Variants in CFAP206 observed in about 807,000 individuals in gnomAD.
CFAP206 encodes cilia and flagella associated protein 206, also known as cilia- and flagella-associated protein 206.
In CFAP206, 53 loss-of-function variants were observed where a neutral mutation model predicts 65.4. The ratio of observed to expected loss-of-function variants is 0.81; its 90% CI spans 0.65 to 1.02. The LOEUF is 1.02. Among genes scored for constraint, CFAP206 ranks in the 50% least tolerant of loss-of-function variants. The pLI, the probability that CFAP206 is intolerant of heterozygous loss-of-function variation, is 0.00. For synonymous variants in CFAP206, 250 were observed against 254.4 expected (o/e 0.98, Z 0.17); for missense variants, 663 against 753.2 (o/e 0.88, Z 1.40).
At chr6:87,463,987 A>C (rs1256374918) in intron 12 of CFAP206, 33 bp from the exon 13 acceptor site, 1 of 1,533,404 alleles carries the variant, frequency 6.5e-7, no homozygotes, top group Non-Finnish European at 9.0e-7. Context: ...TTCTTTAGAG[A>C]AATGTTAATT....
At chr6:87,442,083 G>A (rs549244862) in intron 11 of CFAP206, 10 of 185,530 alleles carry the variant, frequency 5.4e-5, no homozygotes, top group South Asian at 4.8e-4. Flanking sequence ...GGTTTGCATC[G>A]GGTTGCTGCC....
intron 3 of CFAP206, among the ~76,000 whole-genome samples, chr6:87,411,752 C>T (rs982995481): frequency 6.6e-6 from 1 of 152,126 alleles, no homozygotes; most frequent in Non-Finnish European, 1.5e-5. Flanking sequence ...TTTCCCAGCA[C>T]CATTTATTGA....
At chr6:87,463,924 A>G (rs900246780) in intron 12 of CFAP206, 96 bp from the exon 13 acceptor site, 1 of 873,114 alleles carries the variant, frequency 1.1e-6, no homozygotes, top group African/African-American at 1.7e-5. Context: ...TGTGGATTGA[A>G]GACAAAAATA....
chr6:87,429,170 T>A (rs891461213), intron 9 of CFAP206, among the ~76,000 whole-genome samples: 24 of 150,058 alleles, frequency 1.6e-4, no homozygotes, highest in African/African-American at 5.9e-4. Flanking sequence ...GAGGTTGCAG[T>A]GAGCCAAGAT....
At position 87,428,589 on chromosome 6, in the gene CFAP206, A is replaced by G. The variant is rs541397229; in HGVS notation, c.961-37A>G. On this transcript the variant is annotated intron_variant, in intron 8 of 12. Coordinates refer to ENST00000369562, the MANE Select transcript of CFAP206 (RefSeq NM_001031743.3). Reference sequence around the variant, plus strand: ...GTACAGTGATTTATAATTTTATTACACAGTTGCATTTTGAATATTTTTTTT... The same window carrying G: ...GTACAGTGATTTATAATTTTATTACGCAGTTGCATTTTGAATATTTTTTTT... The G allele has an allele frequency of 7.8e-6, 12 of 1,532,660 alleles. No homozygotes were observed. In the South Asian group the frequency reaches 1.2e-4, roughly 16 times the overall value. 94.9% of individuals were successfully genotyped at this position (1,532,660 alleles called of 1,614,324 possible).
Position 87,410,590 on chromosome 6 carries a change from A to G in CFAP206, c.114A>G (p.Lys38=), listed in dbSNP as rs1366878965. The G allele has an allele frequency of 2.5e-6, 4 of 1,613,204 alleles. No individual in the cohort carries two copies. Among genetic ancestry groups the G allele is most frequent in the East Asian group, 2.2e-5 (1 of 44,862 alleles). ...VSETLIAFMV[K]AVVLDPSNGF... ...TCGTTCCTACTTTTTTCTAGGTGAA[A>G]GCTGTTGTCCTGGATCCAAGTAATG... The change falls in exon 3 of 13, where the codon AAA becomes AAG. Residue 38 remains lysine (K), a synonymous_variant. Coordinates refer to ENST00000369562, the MANE Select transcript of CFAP206 (RefSeq NM_001031743.3).
intron 11 of CFAP206, chr6:87,435,485 GATTA>G (rs1324172199): frequency 6.5e-6 from 1 of 153,514 alleles, no homozygotes; most frequent in Admixed American, 6.4e-5. Flanking sequence ...TGTGCCTATT[GATTA>G]ATTCATTCAT....
chr6:87,459,647 G>A (rs979453277), intron 11 of CFAP206, among the ~76,000 whole-genome samples: 1 of 152,132 alleles, frequency 6.6e-6, no homozygotes, highest in Non-Finnish European at 1.5e-5. Flanking sequence ...TTTTCCACAT[G>A]GGGAAAGGGA....
intron 3 of CFAP206, 63 bp downstream of exon 3, chr6:87,410,731 T>TAA: frequency 8.2e-7 from 1 of 1,214,982 alleles, no homozygotes; most frequent in Non-Finnish European, 1.2e-6. Context: ...ACAATATTTG[T>TAA]ATTAGTCATT....
At chr6:87,436,000 C>T (rs1279535448) in intron 11 of CFAP206, 2 of 151,666 alleles carry the variant, frequency 1.3e-5, no homozygotes, top group African/African-American at 4.8e-5. Flanking sequence ...TTCTTTCTCT[C>T]CTGTCTCTTG....
chr6:87,460,165 T>A (rs1415750031), intron 11 of CFAP206, among the ~76,000 whole-genome samples: 1 of 152,218 alleles, frequency 6.6e-6, no homozygotes, highest in Non-Finnish European at 1.5e-5. Context: ...CTAAGTACCT[T>A]AAACCTCTAC....
chr6:87,430,436 A>G (rs1274549513), intron 9 of CFAP206, among the ~76,000 whole-genome samples: 1 of 152,242 alleles, frequency 6.6e-6, no homozygotes, highest in Non-Finnish European at 1.5e-5. Flanking sequence ...TTTTAAAAAT[A>G]TAAAGAACAA....
chr6:87,428,247 CA>C (rs1489325762), intron 8 of CFAP206, among the ~76,000 whole-genome samples: 2 of 151,558 alleles, frequency 1.3e-5, no homozygotes, highest in African/African-American at 4.8e-5. Context: ...CTTGGCCTCC[CA>C]AAATGCTGGG....
chr6:87,431,115 TCA>T lies in CFAP206; in HGVS notation c.1243_1244del (p.Gln415IlefsTer29). ...TTANFDKLLIQYRGFCAYTFA... is the reference protein window; with the variant it reads ...TTANFDKLLIXYRGFCAYTFA... ...CAGCAAATTTTGATAAACTGTTAAT[TCA>T]ATATCGGGGATTTTGTGCTTACACG... On this transcript the variant is annotated frameshift_variant, in exon 10 of 13. Transcript: ENST00000369562. LOFTEE classifies it high-confidence loss of function. The T allele has an allele frequency of 6.2e-7, 1 of 1,614,092 alleles. No individual in the cohort carries two copies. Among genetic ancestry groups the T allele is most frequent in the Non-Finnish European group, 8.5e-7 (1 of 1,179,974 alleles).
chr6:87,425,839 T>G (rs773717179), intron 7 of CFAP206: 35 of 154,868 alleles, frequency 2.3e-4, no homozygotes, highest in Non-Finnish European at 4.5e-4. Context: ...CCAGTTCATT[T>G]CAGTTCTGCA....
chr6:87,452,599 A>G (rs1768564908), intron 11 of CFAP206, among the ~76,000 whole-genome samples: 1 of 152,168 alleles, frequency 6.6e-6, no homozygotes, highest in Non-Finnish European at 1.5e-5. Flanking sequence ...TAATGCAGAG[A>G]AGGAAATGAG....
At position 87,416,798 on chromosome 6, in the gene CFAP206, G is replaced by C. The variant is rs746062073; in HGVS notation, c.602G>C (p.Cys201Ser). The C allele has an allele frequency of 6.2e-7, 1 of 1,613,696 alleles. No individual in the cohort carries two copies. The highest frequency in any genetic ancestry group is 2.2e-5 in the East Asian group (1 of 44,848). Residue 201 changes from cysteine to serine, a missense_variant, in exon 6 of 13, where the codon TGT (cysteine) becomes TCT (serine). Physicochemically the swap from Cys to Ser is moderately radical, Grantham distance 112. Coordinates refer to ENST00000369562, the MANE Select transcript of CFAP206 (RefSeq NM_001031743.3). ...GGAATTCGTTTATTTAACAGAGACT[G>C]TGGAAAAGGAGGAGAAGGCATTGAT... ...VTGIRLFNRDCGKGGEGIDDL... is the reference protein window; with the variant it reads ...VTGIRLFNRDSGKGGEGIDDL...
intron 3 of CFAP206, among the ~76,000 whole-genome samples, chr6:87,411,389 G>T (rs1223879327): frequency 6.6e-6 from 1 of 152,044 alleles, no homozygotes; most frequent in African/African-American, 2.4e-5. Flanking sequence ...GTTATTTGTT[G>T]TTGTCGAGTT....
At chr6:87,434,822 T>G in intron 10 of CFAP206, 38 bp from the exon 11 acceptor site, 1 of 1,105,468 alleles carries the variant, frequency 9.0e-7, no homozygotes, top group Non-Finnish European at 1.3e-6. Flanking sequence ...TCATAAGTGA[T>G]CAAGACATTT....
Sources: gnomAD v4.1 joint callset for allele counts (sites outside exome capture counted in the v4.1 genomes callset) on GRCh38, gnomAD v4.1.1 for gene constraint, MANE v1.5 for transcripts, NCBI Gene and HGNC (gene_info 2026-07-23, HGNC 2026-07-21) for gene names.